The following CSMD3 variants were observed in gnomAD, a reference collection of about 807,000 sequenced individuals.
The protein encoded by CSMD3 is CUB and sushi domain-containing protein 3.
CSMD3 carries 177 observed loss-of-function variants against 435.2 expected under a neutral mutation model. The ratio of observed to expected loss-of-function variants is 0.41; its 90% CI spans 0.36 to 0.46. The LOEUF (loss-of-function observed/expected upper bound fraction) is 0.46, where lower values mean the gene tolerates loss of function less well. Ranked by LOEUF, CSMD3 falls within the 20% of genes least tolerant of loss-of-function variation. CSMD3 has a pLI of 0.34. For missense variants in CSMD3, 4,265 were observed against 4,504.6 expected (o/e 0.95, Z 1.52); for synonymous variants, 1,656 against 1,520.5 (o/e 1.09, Z -2.07).
At chr8:113,405,186 A>G (rs977037349) in intron 1 of CSMD3, among the ~76,000 whole-genome samples, 1 of 151,606 alleles carries the variant, frequency 6.6e-6, no homozygotes, top group African/African-American at 2.4e-5. Flanking sequence ...TGATTGCTAG[A>G]AAAATAGTTT....
intron 1 of CSMD3, among the ~76,000 whole-genome samples, chr8:113,318,452 T>G (rs2093926179): frequency 6.6e-6 from 1 of 152,106 alleles, no homozygotes; most frequent in Non-Finnish European, 1.5e-5. Flanking sequence ...TAAAATATAC[T>G]TATTTAACAA....
chr8:112,321,579 G>A (rs1488597557), intron 45 of CSMD3, among the ~76,000 whole-genome samples: 3 of 152,088 alleles, frequency 2.0e-5, no homozygotes, highest in Non-Finnish European at 4.4e-5. Context: ...CTATTTATAA[G>A]AGATTAATTG....
chr8:113,137,328 C>A (rs976374747), intron 4 of CSMD3, among the ~76,000 whole-genome samples: 2 of 151,494 alleles, frequency 1.3e-5, no homozygotes, highest in Non-Finnish European at 3.0e-5. Context: ...TACTTAATAT[C>A]CTGTTTTATC....
intron 41 of CSMD3, 122 bp downstream of exon 41, chr8:112,345,975 G>T: frequency 1.3e-6 from 1 of 743,482 alleles, no homozygotes; most frequent in Non-Finnish European, 2.5e-6. Flanking sequence ...ATAGTTGTAT[G>T]TATTCCTAAA....
chr8:113,202,409 A>G (rs1441141295), intron 3 of CSMD3, among the ~76,000 whole-genome samples: 3 of 151,984 alleles, frequency 2.0e-5, no homozygotes, highest in African/African-American at 7.2e-5. Context: ...ATGAGGTTCT[A>G]TTGTCTTTGT....
rs1349991205 is a variant in CSMD3 at position 113,314,723 on chromosome 8, A to G, written c.249T>C (p.Tyr83=). Residue 83 remains tyrosine, a synonymous_variant, in exon 2 of 71, where the codon TAT becomes TAC. Transcript: ENST00000297405. The stretch of plus-strand genomic sequence containing the variant: ...TGCAGTTTGCACCATTTGGATATCC[A>G]TATGGAAAACCAGGGCTTTCTATAG... ...NGTIESPGFP[Y]GYPNGANCTW... The G allele has an allele frequency of 6.2e-7, 1 of 1,613,296 alleles. No individual in the cohort carries two copies.
chr8:112,306,122 C>T lies in CSMD3; in HGVS notation c.7956G>A (p.Thr2652=), dbSNP rs148324568. The T allele has an allele frequency of 8.4e-5, 135 of 1,612,644 alleles. 1 individual carries two copies. The highest frequency in any genetic ancestry group is 7.0e-4 in the Admixed American group (42 of 59,942). ...GILTTDYLVG[T]RVTYFCNDGY... ...CATCATTACAAAAATAGGTAACTCG[C>T]GTTCCTACCAAATAGTCTGTTGTTA... The change falls in exon 51 of 71, where the codon ACG becomes ACA. Residue 2652 remains threonine, a synonymous_variant. Transcript: ENST00000297405.
At chr8:112,305,401 T>C (rs1050663592) in intron 51 of CSMD3, among the ~76,000 whole-genome samples, 2 of 152,074 alleles carry the variant, frequency 1.3e-5, no homozygotes, top group African/African-American at 4.8e-5. Context: ...GAAATGCTAG[T>C]ACTAAATGGG....
intron 3 of CSMD3, among the ~76,000 whole-genome samples, chr8:113,275,485 A>T (rs1444734880): frequency 1.3e-5 from 2 of 152,108 alleles, no homozygotes; most frequent in Non-Finnish European, 2.9e-5. Flanking sequence ...ATTTTAATAC[A>T]GTCTCCAGAT....
intron 13 of CSMD3, among the ~76,000 whole-genome samples, chr8:112,756,081 G>GA (rs2077691685): frequency 6.6e-6 from 1 of 152,010 alleles, no homozygotes; most frequent in Non-Finnish European, 1.5e-5. Flanking sequence ...GCCTAAAGAC[G>GA]TGGGGATTAG....
chr8:112,314,133 T>C, intron 48 of CSMD3, 81 bp from the exon 49 acceptor site: 1 of 1,065,078 alleles, frequency 9.4e-7, no homozygotes, highest in South Asian at 1.3e-5. Flanking sequence ...TTTAGAATAG[T>C]ATTAAATATG....
At chr8:112,831,522 G>T (rs1346023054) in intron 11 of CSMD3, among the ~76,000 whole-genome samples, 2 of 148,972 alleles carry the variant, frequency 1.3e-5, no homozygotes, top group African/African-American at 4.9e-5. Context: ...TACATTGAAT[G>T]CATTTATTCC....
At chr8:112,299,749 C>T (rs373424097) in intron 53 of CSMD3, among the ~76,000 whole-genome samples, 3 of 152,082 alleles carry the variant, frequency 2.0e-5, no homozygotes, top group South Asian at 2.1e-4. Context: ...AAGGTCAATT[C>T]ACAGTGTAAT....
intron 13 of CSMD3, among the ~76,000 whole-genome samples, chr8:112,756,141 A>G (rs1196519465): frequency 1.3e-5 from 2 of 152,124 alleles, no homozygotes; most frequent in East Asian, 3.9e-4. Flanking sequence ...GAGGGCTGCC[A>G]CTTCCATTTT....
At chr8:113,022,627 G>A (rs1010032819) in intron 5 of CSMD3, among the ~76,000 whole-genome samples, 1 of 151,286 alleles carries the variant, frequency 6.6e-6, no homozygotes, top group Admixed American at 6.6e-5. Flanking sequence ...TCCATACTCA[G>A]GATTATATGT....
At position 113,394,279 on chromosome 8, in the gene CSMD3, A is replaced by G. The variant is rs79954422; in HGVS notation, c.178+42398T>C. ...TCCAGTAATGTTTGGAATCTCTAAT[A>G]TATGTACATGCACTGTGAATTTCCA... On this transcript the variant is annotated intron_variant, in intron 1 of 70. Transcript: ENST00000297405. Among the ~76,000 whole-genome samples the G allele has an allele frequency of 6.2e-3, 942 of 152,202 alleles. 17 individuals carry two copies. Among genetic ancestry groups the G allele is most frequent in the East Asian group, 0.024 (126 of 5,188 alleles).
intron 5 of CSMD3, among the ~76,000 whole-genome samples, chr8:113,031,047 A>T (rs991446475): frequency 1.3e-5 from 2 of 151,816 alleles, no homozygotes; most frequent in East Asian, 3.9e-4. Context: ...TGCTAGCATG[A>T]ATGTAAAATG....
chr8:112,893,550 C>T (rs960131570), intron 10 of CSMD3, among the ~76,000 whole-genome samples: 1 of 151,496 alleles, frequency 6.6e-6, no homozygotes, highest in African/African-American at 2.4e-5. Context: ...TCCTCCAGGT[C>T]ACTTGGTCAG....
intron 12 of CSMD3, 146 bp from the exon 13 acceptor site, chr8:112,800,420 A>G (rs2078933520): frequency 7.4e-6 from 5 of 674,964 alleles, no homozygotes; most frequent in Non-Finnish European, 1.1e-5. Context: ...GATGTGACAG[A>G]AGAAAAAACT....
Sources: gnomAD v4.1 joint callset for allele counts (sites outside exome capture counted in the v4.1 genomes callset) on GRCh38, gnomAD v4.1.1 for gene constraint, MANE v1.5 for transcripts, NCBI Gene and HGNC (gene_info 2026-07-23, HGNC 2026-07-21) for gene names.